The following ROBO2 variants were observed in gnomAD, a reference collection of about 807,000 sequenced individuals.
ROBO2 encodes the protein roundabout homolog 2.
In ROBO2, 53 loss-of-function variants were observed where a neutral mutation model predicts 160.8. That is an observed-to-expected ratio of 0.33 (90% CI 0.26 to 0.41). The LOEUF (loss-of-function observed/expected upper bound fraction) is 0.41, where lower values mean the gene tolerates loss of function less well. Ranked by LOEUF, ROBO2 falls within the 10% of genes least tolerant of loss-of-function variation. The pLI is 1.00. For missense variants in ROBO2, 1,577 were observed against 1,722.4 expected (o/e 0.92, Z 1.49); for synonymous variants, 664 against 611.7 (o/e 1.09, Z -1.26).
intron 2 of ROBO2, among the ~76,000 whole-genome samples, chr3:77,333,924 T>G (rs1423609642): frequency 6.6e-6 from 1 of 152,014 alleles, no homozygotes; most frequent in African/African-American, 2.4e-5. Context: ...CTGATTGGAG[T>G]GTAGGTCCCA....
At chr3:76,343,951 G>A (rs1336885259) in intron 2 of ROBO2, among the ~76,000 whole-genome samples, 2 of 151,840 alleles carry the variant, frequency 1.3e-5, no homozygotes, top group Non-Finnish European at 2.9e-5. Flanking sequence ...AGTAAATTTG[G>A]TTTGTACTAA....
intron 2 of ROBO2, among the ~76,000 whole-genome samples, chr3:76,895,594 G>T (rs1451723855): frequency 6.6e-6 from 1 of 152,090 alleles, no homozygotes; most frequent in South Asian, 2.1e-4. Flanking sequence ...TTTGTAAACA[G>T]TAGTAGACAC....
intron 2 of ROBO2, among the ~76,000 whole-genome samples, chr3:76,171,260 C>A (rs959805648): frequency 2.0e-5 from 3 of 151,122 alleles, no homozygotes; most frequent in African/African-American, 7.3e-5. Context: ...GCTTCTCTAC[C>A]ACTGATTATA....
At chr3:77,558,511 T>G (rs1367816301) in intron 9 of ROBO2, among the ~76,000 whole-genome samples, 2 of 152,000 alleles carry the variant, frequency 1.3e-5, no homozygotes, top group Non-Finnish European at 2.9e-5. Context: ...AAAGAAATTG[T>G]AAGGAAATGT....
At chr3:76,519,400 G>T (rs2081489271) in intron 2 of ROBO2, among the ~76,000 whole-genome samples, 2 of 152,072 alleles carry the variant, frequency 1.3e-5, no homozygotes, top group South Asian at 4.1e-4. Context: ...TAAGACATTT[G>T]CACAGGTATA....
intron 2 of ROBO2, among the ~76,000 whole-genome samples, chr3:76,246,076 T>C (rs1705599654): frequency 6.6e-6 from 1 of 152,166 alleles, no homozygotes; most frequent in Admixed American, 6.5e-5. Flanking sequence ...AAGAGCCCAT[T>C]GAAAATAACA....
intron 20 of ROBO2, among the ~76,000 whole-genome samples, 199 bp downstream of exon 21, chr3:77,602,690 C>G (rs1454882382): frequency 1.0e-4 from 15 of 149,322 alleles, no homozygotes; most frequent in Admixed American, 2.0e-4. Context: ...CCACCACCAC[C>G]GCCGCCGCCA....
At chr3:76,210,798 C>T (rs533072731) in intron 2 of ROBO2, among the ~76,000 whole-genome samples, 5 of 152,092 alleles carry the variant, frequency 3.3e-5, no homozygotes, top group African/African-American at 1.2e-4. Context: ...TCTTTCCCCT[C>T]TAGGTAAGAT....
At chr3:77,121,103 C>T (rs908047493) in intron 2 of ROBO2, among the ~76,000 whole-genome samples, 11 of 151,950 alleles carry the variant, frequency 7.2e-5, no homozygotes, top group African/African-American at 2.7e-4. Flanking sequence ...TGCCACCATG[C>T]GAGGCTAATT....
rs796887649 is a variant in ROBO2 at position 76,812,377 on chromosome 3, GGCCATTTCAT to G, written c.110-285633_110-285624del. Among the ~76,000 whole-genome samples, 245 of 143,160 alleles carry G rather than the reference GGCCATTTCAT, an allele frequency of 1.7e-3. 2 individuals are homozygous for G. The highest frequency in any genetic ancestry group is 5.7e-3 in the African/African-American group (222 of 38,878). 93.9% of individuals were successfully genotyped at this position (143,160 alleles called of 152,430 possible). ...AAAAAAAAAAAACGTGTTTGAAGTAGGCCATTTCATGCCCAAAGACCATGAGTATTTGAGC... is the reference window on the plus strand; with the variant it reads ...AAAAAAAAAAAACGTGTTTGAAGTAGGCCCAAAGACCATGAGTATTTGAGC... On this transcript the variant is annotated intron_variant, in intron 2 of 26. Coordinates refer to the ROBO2 transcript ENST00000487694.
At chr3:76,846,182 T>G (rs181329628) in intron 2 of ROBO2, among the ~76,000 whole-genome samples, 1 of 152,298 alleles carries the variant, frequency 6.6e-6, no homozygotes, top group East Asian at 1.9e-4. Flanking sequence ...TTGTCATGTC[T>G]GTCATTCTGT....
At position 76,892,065 on chromosome 3, in the gene ROBO2, A is replaced by T. The variant is rs1389558347; in HGVS notation, c.110-205949A>T. 6.0e-5 allele frequency among the ~76,000 whole-genome samples: 9 copies of T among 150,446 alleles called. No individual in the cohort carries two copies. The East Asian group carries it at 1.7e-3, about 29-fold the overall frequency. On this transcript the variant is annotated intron_variant, in intron 2 of 26. Coordinates refer to the ROBO2 transcript ENST00000487694. ...GAGGTGACAGGAATGTGGGACATTGATGAGATTAGACCTGAAGGATTTTCA... is the reference window on the plus strand; with the variant it reads ...GAGGTGACAGGAATGTGGGACATTGTTGAGATTAGACCTGAAGGATTTTCA...
At chr3:77,199,620 A>ATTTTTTTTTTT (rs66672194) in intron 2 of ROBO2, among the ~76,000 whole-genome samples, 1 of 118,196 alleles carries the variant, frequency 8.5e-6, no homozygotes, top group Non-Finnish European at 1.7e-5. Context: ...CTCAGTCACC[A>ATTTTTTTTTTT]TTTTTTTTTT....
intron 2 of ROBO2, among the ~76,000 whole-genome samples, chr3:75,944,520 A>G (rs1948196249): frequency 6.6e-6 from 1 of 152,128 alleles, no homozygotes; most frequent in South Asian, 2.1e-4. Context: ...AGGACTTAAA[A>G]AAAAACCTGG....
chr3:77,210,136 G>A (rs2083933333), intron 2 of ROBO2, among the ~76,000 whole-genome samples: 1 of 151,454 alleles, frequency 6.6e-6, no homozygotes, highest in African/African-American at 2.4e-5. Flanking sequence ...GCAGCATCCT[G>A]CACAGACATT....
intron 2 of ROBO2, among the ~76,000 whole-genome samples, chr3:76,905,331 G>A (rs558604010): frequency 1.3e-5 from 2 of 152,206 alleles, no homozygotes; most frequent in South Asian, 2.1e-4. Flanking sequence ...AGGCAATCAC[G>A]TATAGGGGGC....
intron 2 of ROBO2, among the ~76,000 whole-genome samples, chr3:76,194,422 C>G (rs1702164985): frequency 7.1e-6 from 1 of 140,554 alleles, no homozygotes; most frequent in East Asian, 2.1e-4. Flanking sequence ...CACTGGTAAT[C>G]TTTATTTGGA....
At chr3:76,468,199 G>T (rs192356937) in intron 2 of ROBO2, among the ~76,000 whole-genome samples, 1 of 152,206 alleles carries the variant, frequency 6.6e-6, no homozygotes, top group African/African-American at 2.4e-5. Flanking sequence ...TAAGTAAATT[G>T]TCCAAGGCTA....
chr3:76,088,491 A>T (rs2069105158), intron 2 of ROBO2, among the ~76,000 whole-genome samples: 2 of 151,818 alleles, frequency 1.3e-5, no homozygotes, highest in Non-Finnish European at 2.9e-5. Flanking sequence ...TTAACAAATT[A>T]AAAAAAATAG....
Sources: allele counts gnomAD v4.1 joint callset (sites outside exome capture counted in the v4.1 genomes callset), GRCh38; gene constraint gnomAD v4.1.1; transcripts MANE v1.5; gene names NCBI Gene and HGNC (gene_info 2026-07-23, HGNC 2026-07-21).